Variants in DEPDC5 observed in about 807,000 individuals in gnomAD.
DEPDC5 encodes the protein GATOR1 complex protein DEPDC5.
In DEPDC5, 73 loss-of-function variants were observed where a neutral mutation model predicts 217.3. That is an observed-to-expected ratio of 0.34 (90% confidence interval 0.28 to 0.41). The LOEUF (loss-of-function observed/expected upper bound fraction) is 0.41. Among genes scored for constraint, DEPDC5 ranks in the 10% least tolerant of loss-of-function variants. DEPDC5 has a pLI of 1.00. For synonymous variants in DEPDC5, 733 were observed against 756.7 expected (o/e 0.97, Z 0.51); for missense variants, 1,675 against 2,070.1 (o/e 0.81, Z 3.70).
At chr22:31,840,986 C>A (rs145666146) in intron 27 of DEPDC5, among the ~76,000 whole-genome samples, 96 of 152,306 alleles carry the variant, frequency 6.3e-4, no homozygotes, top group Admixed American at 2.1e-3. Flanking sequence ...CTGGGGTGCA[C>A]CTAATTTAGA....
At chr22:31,864,518 A>ATATATATATATATATATATATT in intron 33 of DEPDC5, among the ~76,000 whole-genome samples, 1 of 138,264 alleles carries the variant, frequency 7.2e-6, no homozygotes, top group African/African-American at 2.6e-5. Context: ...ATATATATAT[A>ATATATATATATATATATATATT]TATATATTTA....
At chr22:31,815,786 C>T (rs975387875) in intron 21 of DEPDC5, 82 of 1,253,096 alleles carry the variant, frequency 6.5e-5, no homozygotes, top group Non-Finnish European at 7.9e-5. Context: ...CCATTGGCCT[C>T]CAAAAGTGCT....
chr22:31,789,704 A>G (rs1431196768), intron 10 of DEPDC5, among the ~76,000 whole-genome samples: 1 of 152,174 alleles, frequency 6.6e-6, no homozygotes, highest in Non-Finnish European at 1.5e-5. Context: ...CACATTATGT[A>G]GTGTAAAAGA....
chr22:31,784,165 T>G, intron 9 of DEPDC5, 180 bp downstream of exon 9: 1 of 489,586 alleles, frequency 2.0e-6, no homozygotes, highest in African/African-American at 2.0e-5. Flanking sequence ...CACTACTTTT[T>G]TCAATAATCA....
chr22:31,807,823 C>T (rs554086010), intron 18 of DEPDC5, among the ~76,000 whole-genome samples: 1 of 152,304 alleles, frequency 6.6e-6, no homozygotes, highest in East Asian at 1.9e-4. Context: ...CACCCCTCTG[C>T]CCTTTCCTAG....
At chr22:31,863,975 C>T (rs1173750333) in intron 33 of DEPDC5, among the ~76,000 whole-genome samples, 1 of 151,994 alleles carries the variant, frequency 6.6e-6, no homozygotes, top group Non-Finnish European at 1.5e-5. Flanking sequence ...ATTATACATA[C>T]ACAAAATTAA....
chr22:31,901,378 A>G (rs975027824), intron 40 of DEPDC5, among the ~76,000 whole-genome samples: 3 of 152,210 alleles, frequency 2.0e-5, no homozygotes, highest in Non-Finnish European at 4.4e-5. Flanking sequence ...GGCAACTAAC[A>G]TGCATTTACA....
At chr22:31,815,614 G>T in intron 21 of DEPDC5, 1 of 597,646 alleles carries the variant, frequency 1.7e-6, no homozygotes. Flanking sequence ...CCTCAGTGCG[G>T]CCTTGAACTC....
At chr22:31,754,770 G>C in intron 1 of DEPDC5, 92 bp from the exon 2 acceptor site, 1 of 788,912 alleles carries the variant, frequency 1.3e-6, no homozygotes, top group South Asian at 1.7e-5. Context: ...TCACAGCAGA[G>C]GAACACCAGT....
rs2091780338 is a variant in DEPDC5 at position 31,847,098 on chromosome 22, G to A, written c.3155+131G>A. On this transcript the variant is annotated intron_variant, in intron 31 of 42. Transcript: ENST00000651528. ...GTAATTAGGGAGAAGGCATTTATGT[G>A]AAAAGGAAGGCTAATACCTGGTAGG... The A allele has an allele frequency of 1.1e-4, 142 of 1,326,392 alleles. 2 individuals are homozygous for A. The South Asian group carries it at 1.8e-3, about 16-fold the overall frequency. The allele number at this position is 1,326,392 out of a possible 1,614,324, so 82.2% of individuals were successfully genotyped here. A position where few individuals can be genotyped will look rare whatever the true frequency, so the allele number is the denominator to read the frequency against.
At chr22:31,770,983 A>G (rs1409607467) in intron 7 of DEPDC5, among the ~76,000 whole-genome samples, 1 of 151,754 alleles carries the variant, frequency 6.6e-6, no homozygotes, top group African/African-American at 2.4e-5. Flanking sequence ...GGGTTTCACC[A>G]TGTTGGCCAG....
chr22:31,904,384 T>G (rs992404403), intron 41 of DEPDC5, among the ~76,000 whole-genome samples: 5 of 152,078 alleles, frequency 3.3e-5, no homozygotes, highest in Non-Finnish European at 5.9e-5. Context: ...TAAAAAAAAA[T>G]TACTCTGGTA....
intron 24 of DEPDC5, among the ~76,000 whole-genome samples, chr22:31,829,392 C>T (rs1459810160): frequency 2.0e-5 from 3 of 152,180 alleles, no homozygotes; most frequent in Non-Finnish European, 2.9e-5. Flanking sequence ...ATTAGCTGGG[C>T]GTGGTGGCGG....
chr22:31,799,234 G>A (rs918307754), intron 14 of DEPDC5, among the ~76,000 whole-genome samples: 1 of 151,416 alleles, frequency 6.6e-6, no homozygotes, highest in Non-Finnish European at 1.5e-5. Flanking sequence ...TAGGAGACAC[G>A]GGGTTTCACC....
intron 20 of DEPDC5, 25 bp downstream of exon 20, chr22:31,810,666 G>A (rs776683456): frequency 2.5e-6 from 4 of 1,612,752 alleles, no homozygotes; most frequent in Admixed American, 1.7e-5. Context: ...TCACTTGGGG[G>A]TGCATATAAA....
At chr22:31,804,035 AG>A in intron 15 of DEPDC5, 126 bp from the exon 16 acceptor site, 1 of 813,444 alleles carries the variant, frequency 1.2e-6, no homozygotes, top group Non-Finnish European at 2.0e-6. Context: ...CAGCACTATG[AG>A]GTTATAAATC....
At chr22:31,879,067 TAC>T (rs1190686323) in intron 37 of DEPDC5, among the ~76,000 whole-genome samples, 2,719 of 133,386 alleles carry the variant, frequency 0.02, 85 homozygotes, top group African/African-American at 0.074. Context: ...TATATATATA[TAC>T]ACACACACAC....
At position 31,815,503 on chromosome 22, in the gene DEPDC5, G is replaced by T. The variant is rs145022994; in HGVS notation, c.1666+291G>T. On this transcript the variant is annotated intron_variant, in intron 21 of 42. Transcript: ENST00000651528. ...GGACTCAATCGATCCTCCCACCTCT[G>T]CCTCCCAAGTAACTGGGACTATAGC... 509 of 644,724 alleles carry T rather than the reference G, an allele frequency of 7.9e-4. 3 individuals are homozygous for T. The African/African-American group carries it at 8.5e-3, about 11-fold the overall frequency. The allele number at this position is 644,724 out of a possible 1,614,324, so 39.9% of individuals were successfully genotyped here. A position where few individuals can be genotyped will look rare whatever the true frequency, so the allele number is the denominator to read the frequency against.
chr22:31,845,141 A>C lies in DEPDC5; in HGVS notation c.2925A>C (p.Ala975=), dbSNP rs1204857203. 1.2e-6 allele frequency: 2 copies of C among 1,614,194 alleles called. No individual in the cohort carries two copies. Among genetic ancestry groups the C allele is most frequent in the Non-Finnish European group, 1.7e-6 (2 of 1,180,024 alleles). ...ACATCTATGGGGACAGGCCCCGTGCAGACGAGGACGAGTGGCAACTCCTGG... is the reference window on the plus strand; with the variant it reads ...ACATCTATGGGGACAGGCCCCGTGCCGACGAGGACGAGTGGCAACTCCTGG... ...HCDIYGDRPR[A]DEDEWQLLDG... Residue 975 remains alanine, a synonymous_variant, in exon 30 of 43, where the codon GCA becomes GCC. Transcript: ENST00000651528.
Sources: gnomAD v4.1 joint callset for allele counts (sites outside exome capture counted in the v4.1 genomes callset) on GRCh38, gnomAD v4.1.1 for gene constraint, MANE v1.5 for transcripts, NCBI Gene and HGNC (gene_info 2026-07-23, HGNC 2026-07-21) for gene names.